YPEL1: variants seen among roughly 807,000 people sequenced by gnomAD.
YPEL1 encodes the protein protein yippee-like 1.
Under a neutral mutation model 17.3 loss-of-function variants are expected in YPEL1, and 7 were observed. The ratio of observed to expected loss-of-function variants is 0.40; its 90% CI spans 0.23 to 0.76. YPEL1 has a LOEUF of 0.76. Ranked by LOEUF, YPEL1 falls within the 30% of genes least tolerant of loss-of-function variation. The pLI, the probability that YPEL1 is intolerant of heterozygous loss-of-function variation, is 0.35. For synonymous variants in YPEL1, 59 were observed against 59.6 expected (o/e 0.99, Z 0.05); for missense variants, 91 against 155.5 (o/e 0.59, Z 2.21).
intron 1 of YPEL1, among the ~76,000 whole-genome samples, chr22:21,720,448 G>C (rs1032136007): frequency 1.3e-5 from 2 of 152,030 alleles, no homozygotes; most frequent in South Asian, 4.2e-4. Flanking sequence ...TGATCTAACC[G>C]CCCCAGCCTC....
chr22:21,718,139 A>C (rs1471415738), intron 1 of YPEL1, among the ~76,000 whole-genome samples: 7 of 150,510 alleles, frequency 4.7e-5, no homozygotes, highest in South Asian at 4.2e-4. Context: ...AAAAAAAAAA[A>C]AAAACAAAAA....
In YPEL1 at chr22:21,701,068, C is replaced by T; in HGVS notation, c.*61G>A. Reference sequence around the variant, plus strand: ...GCTGTCACCAGATGCTCCTACGTTTCCATTACATTCACAGTTTCTTTCACA... The same window carrying T: ...GCTGTCACCAGATGCTCCTACGTTTTCATTACATTCACAGTTTCTTTCACA... On this transcript the variant is annotated 3_prime_UTR_variant, in exon 5 of 5. Transcript: ENST00000339468. The T allele has an allele frequency of 4.1e-6, 6 of 1,481,058 alleles. No homozygotes were observed. Among genetic ancestry groups the T allele is most frequent in the Non-Finnish European group, 4.7e-6 (5 of 1,061,062 alleles). The allele number at this position is 1,481,058 out of a possible 1,614,324, so 91.7% of individuals were successfully genotyped here.
chr22:21,710,136 G>A (rs1483021772), intron 2 of YPEL1, among the ~76,000 whole-genome samples: 1 of 152,146 alleles, frequency 6.6e-6, no homozygotes, highest in Non-Finnish European at 1.5e-5. Flanking sequence ...GGCTGCTCAT[G>A]GGTTCTATGC....
chr22:21,714,752 G>A (rs1339963013), intron 1 of YPEL1, among the ~76,000 whole-genome samples: 3 of 152,156 alleles, frequency 2.0e-5, no homozygotes, highest in Non-Finnish European at 2.9e-5. Context: ...TCTTTATCCC[G>A]CCAACTTGAT....
In YPEL1 at chr22:21,703,860, C is replaced by T; in HGVS notation, c.140G>A (p.Arg47His). 2 of 1,607,214 alleles carry T rather than the reference C, an allele frequency of 1.2e-6. No homozygotes were observed. Among genetic ancestry groups the T allele is most frequent in the Non-Finnish European group, 1.7e-6 (2 of 1,176,812 alleles). The part of the protein sequence containing the change: ...ISKSFQGSQG[R>H]AYLFNSVVNV... ...TCACACGGAATTGAAGAGGTAGGCG[C>T]GTCCCTGGCTCCCCTGAAAGGACTG... Residue 47 changes from arginine to histidine, a missense_variant, in exon 3 of 5, where the codon CGC becomes CAC. Physicochemically the swap from Arg to His is conservative, Grantham distance 29. Coordinates refer to ENST00000339468, the MANE Select transcript of YPEL1 (RefSeq NM_013313.5). The surrounding 1 kb of genome is among the most constrained non-coding windows in gnomAD (Gnocchi z 6.1).
At position 21,698,694 on chromosome 22, in the gene YPEL1, T is replaced by TGAC. The variant is rs2068029787; in HGVS notation, c.*2432_*2434dup. On this transcript the variant is annotated 3_prime_UTR_variant, in exon 5 of 5. Coordinates refer to ENST00000339468, the MANE Select transcript of YPEL1 (RefSeq NM_013313.5). The stretch of plus-strand genomic sequence containing the variant: ...AGCCTCTTCACAGTCTCAAGACAAT[T>TGAC]GACTGAAGCCACAGGCATTGCTAAC... 1 of 152,354 alleles carries TGAC rather than the reference T, an allele frequency of 6.6e-6. No individual in the cohort carries two copies. The allele number at this position is 152,354 out of a possible 1,614,324, so 9.4% of individuals were successfully genotyped here. A position where few individuals can be genotyped will look rare whatever the true frequency, so the allele number is the denominator to read the frequency against.
intron 1 of YPEL1, among the ~76,000 whole-genome samples, chr22:21,729,914 G>A (rs1222658807): frequency 3.9e-5 from 6 of 152,060 alleles, no homozygotes; most frequent in Admixed American, 3.9e-4. Context: ...TTAGGAGGCC[G>A]AGATGGGCAG....
chr22:21,720,815 T>TTG (rs1333754002), intron 1 of YPEL1, among the ~76,000 whole-genome samples: 1 of 107,412 alleles, frequency 9.3e-6, no homozygotes, highest in African/African-American at 3.0e-5. Flanking sequence ...CCGATTTTGT[T>TTG]TTTTTTTTTT....
intron 2 of YPEL1, among the ~76,000 whole-genome samples, chr22:21,709,793 A>C (rs2068147865): frequency 1.4e-5 from 2 of 144,316 alleles, no homozygotes; most frequent in African/African-American, 2.6e-5. Context: ...GTCATGACCT[A>C]TAAGGATGAG....
chr22:21,717,133 GGGCTGGGGGGGC>G (rs2068232157), intron 1 of YPEL1, among the ~76,000 whole-genome samples: 1 of 107,058 alleles, frequency 9.3e-6, no homozygotes, highest in Middle Eastern at 5.6e-3. Context: ...TGGGAGGCCG[GGGCTGGGGGGGC>G]GGGGGGCGGA....
At chr22:21,713,701 C>A (rs2068193819) in intron 1 of YPEL1, among the ~76,000 whole-genome samples, 1 of 152,160 alleles carries the variant, frequency 6.6e-6, no homozygotes, top group African/African-American at 2.4e-5. Context: ...CTGAACTGTA[C>A]ACTTAGAAAT....
chr22:21,707,482 G>A (rs926032931), intron 2 of YPEL1, among the ~76,000 whole-genome samples: 1 of 152,188 alleles, frequency 6.6e-6, no homozygotes, highest in African/African-American at 2.4e-5. Flanking sequence ...CTTCTCACCT[G>A]AGCATGAACT....
At chr22:21,704,921 G>C (rs1448051823) in intron 2 of YPEL1, among the ~76,000 whole-genome samples, 1 of 152,030 alleles carries the variant, frequency 6.6e-6, no homozygotes, top group African/African-American at 2.4e-5. Flanking sequence ...AGTCTCAATC[G>C]ACCTCAAACA....
intron 1 of YPEL1, among the ~76,000 whole-genome samples, chr22:21,725,835 GAAAA>G (rs67157672): frequency 7.1e-6 from 1 of 140,964 alleles, no homozygotes. Context: ...TCTACCAAAG[GAAAA>G]AAAAAAAAAA....
intron 1 of YPEL1, among the ~76,000 whole-genome samples, chr22:21,725,376 C>T (rs1373150541): frequency 1.3e-5 from 2 of 152,086 alleles, no homozygotes; most frequent in South Asian, 2.1e-4. Flanking sequence ...CCCGCCACCA[C>T]ACCCGGCTAA....
chr22:21,712,981 T>TA (rs2068185508), intron 1 of YPEL1, among the ~76,000 whole-genome samples: 2 of 152,054 alleles, frequency 1.3e-5, no homozygotes, highest in Admixed American at 6.6e-5. Context: ...CCGAAGAAGA[T>TA]ATACAGATGG....
chr22:21,702,572 TG>T (rs201482897), intron 4 of YPEL1, among the ~76,000 whole-genome samples: 3,810 of 151,838 alleles, frequency 0.025, 157 homozygotes, highest in African/African-American at 0.086. Context: ...GAGGCTGAGG[TG>T]GGTGGATCAC....
intron 1 of YPEL1, among the ~76,000 whole-genome samples, chr22:21,729,027 C>T (rs2068362768): frequency 6.6e-6 from 1 of 152,060 alleles, no homozygotes; most frequent in Admixed American, 6.6e-5. Flanking sequence ...CCTGTAATGC[C>T]AGCTACTTGG....
Position 21,710,807 on chromosome 22 carries a change from C to T in YPEL1, c.-63G>A. The T allele has an allele frequency of 6.9e-7, 1 of 1,446,650 alleles. No individual in the cohort carries two copies. Among genetic ancestry groups the T allele is most frequent in the Non-Finnish European group, 9.7e-7 (1 of 1,028,010 alleles). 89.6% of individuals were successfully genotyped at this position (1,446,650 alleles called of 1,614,324 possible). A position where few individuals can be genotyped will look rare whatever the true frequency, so the allele number is the denominator to read the frequency against. Reference sequence around the variant, plus strand: ...CTGGAAGAACCGTGGCTCTGCTGGCCTCTCTGACAAAAGCAACACTGGAAA... The same window carrying T: ...CTGGAAGAACCGTGGCTCTGCTGGCTTCTCTGACAAAAGCAACACTGGAAA... On this transcript the variant is annotated 5_prime_UTR_variant, in exon 2 of 5. Transcript: ENST00000339468.
Sources: gnomAD v4.1 joint callset for allele counts (sites outside exome capture counted in the v4.1 genomes callset) on GRCh38, gnomAD v4.1.1 for gene constraint, Gnocchi (gnomAD v3.1) non-coding constraint, MANE v1.5 for transcripts, NCBI Gene and HGNC (gene_info 2026-07-23, HGNC 2026-07-21) for gene names.